NEGR1: variants seen among roughly 807,000 people sequenced by gnomAD.
NEGR1 encodes the protein IgLON family member 4.
NEGR1 carries 10 observed loss-of-function variants against 40.9 expected under a neutral mutation model. The observed-to-expected ratio is 0.24, with a 90% confidence interval of 0.15 to 0.42. The LOEUF (loss-of-function observed/expected upper bound fraction) is 0.42. Among genes scored for constraint, NEGR1 ranks in the 10% least tolerant of loss-of-function variants. The probability of loss-of-function intolerance (pLI) is 1.00; values close to 1 mark genes in which losing one functional copy is unlikely to be tolerated. For missense variants in NEGR1, 352 were observed against 438.9 expected, an observed-to-expected ratio of 0.80 and a Z score of 1.77; for synonymous variants, 185 against 166.8, an observed-to-expected ratio of 1.11 and a Z score of -0.84.
At chr1:71,848,329 C>T (rs1417450052) in intron 2 of NEGR1, among the ~76,000 whole-genome samples, 1 of 152,088 alleles carries the variant, frequency 6.6e-6, no homozygotes, top group Non-Finnish European at 1.5e-5. Flanking sequence ...ATGAAACAGC[C>T]TTATATTGGA....
intron 2 of NEGR1, among the ~76,000 whole-genome samples, chr1:71,803,724 T>C (rs1357201832): frequency 6.6e-6 from 1 of 152,116 alleles, no homozygotes; most frequent in Non-Finnish European, 1.5e-5. Context: ...CTACCTTCCT[T>C]GATAAAAAAA....
chr1:71,910,638 T>G (rs1464772636), intron 2 of NEGR1, among the ~76,000 whole-genome samples: 1 of 152,202 alleles, frequency 6.6e-6, no homozygotes, highest in African/African-American at 2.4e-5. Flanking sequence ...GGCAAAATCT[T>G]AAGCTTTTAA....
At chr1:71,568,099 T>A (rs1404696700) in intron 6 of NEGR1, among the ~76,000 whole-genome samples, 2 of 152,198 alleles carry the variant, frequency 1.3e-5, no homozygotes, top group Non-Finnish European at 2.9e-5. Context: ...ATGATAGCAT[T>A]ACTCCCATCT....
At chr1:71,825,067 C>G (rs909625287) in intron 2 of NEGR1, among the ~76,000 whole-genome samples, 1 of 151,918 alleles carries the variant, frequency 6.6e-6, no homozygotes, top group African/African-American at 2.4e-5. Flanking sequence ...TTATAAGAAA[C>G]TACCAAACTA....
Position 71,403,543 on chromosome 1 carries a change from C to T in NEGR1, c.*3903G>A, listed in dbSNP as rs1354276684. ...CATCAAACCTTTTAGGAATCAGCAA[C>T]AGCAAGAAAGAATATAGTGTGGAGT... On this transcript the variant is annotated 3_prime_UTR_variant, in exon 7 of 7. Coordinates refer to ENST00000357731, the MANE Select transcript of NEGR1 (RefSeq NM_173808.3). 1 of 201,458 alleles carries T rather than the reference C, an allele frequency of 5.0e-6. No homozygotes were observed. The highest frequency in any genetic ancestry group is 2.3e-5 in the African/African-American group (1 of 43,772). The allele number at this position is 201,458 out of a possible 1,614,324, so 12.5% of individuals were successfully genotyped here.
In NEGR1 at chr1:71,589,602, T is replaced by G. The variant is rs115525154; in HGVS notation, c.940+3215A>C. ...TCTTATGTACTTATTCTGGCTAATT[T>G]CATGCAAACTAAACATTAGCAGTTA... On this transcript the variant is annotated intron_variant, in intron 6 of 6. Coordinates refer to ENST00000357731, the MANE Select transcript of NEGR1 (RefSeq NM_173808.3). Among the ~76,000 whole-genome samples the G allele has an allele frequency of 7.8e-3, 1,186 of 152,244 alleles. 27 individuals carry two copies. Among genetic ancestry groups the G allele is most frequent in the African/African-American group, 0.027 (1,139 of 41,560 alleles).
intron 6 of NEGR1, among the ~76,000 whole-genome samples, chr1:71,421,872 C>T (rs1251435487): frequency 2.0e-5 from 3 of 149,970 alleles, no homozygotes; most frequent in South Asian, 2.1e-4. Flanking sequence ...TCTGCCTTCA[C>T]CAAAGAGAGA....
intron 2 of NEGR1, among the ~76,000 whole-genome samples, chr1:71,781,423 A>G (rs1656710820): frequency 6.6e-6 from 1 of 152,146 alleles, no homozygotes; most frequent in Non-Finnish European, 1.5e-5. Flanking sequence ...AAAGGCATAA[A>G]CTATTTGGAT....
chr1:71,819,196 C>T (rs747329753), intron 2 of NEGR1, among the ~76,000 whole-genome samples: 2 of 151,868 alleles, frequency 1.3e-5, no homozygotes, highest in Admixed American at 1.3e-4. Flanking sequence ...GCAACAAGCC[C>T]CACCATATGC....
At chr1:71,606,889 A>C (rs1454879644) in intron 5 of NEGR1, among the ~76,000 whole-genome samples, 13 of 152,156 alleles carry the variant, frequency 8.5e-5, no homozygotes, top group Admixed American at 8.5e-4. Flanking sequence ...GAAGAACTGC[A>C]GGCAGAGATA....
chr1:71,487,039 A>C (rs566476079), intron 6 of NEGR1: 4 of 151,726 alleles, frequency 2.6e-5, no homozygotes, highest in Non-Finnish European at 5.9e-5. Context: ...ATAGAGACAT[A>C]AGAAACCGAG....
chr1:71,853,344 T>C (rs999268929), intron 2 of NEGR1, among the ~76,000 whole-genome samples: 1 of 152,156 alleles, frequency 6.6e-6, no homozygotes, highest in Admixed American at 6.6e-5. Context: ...AACTGTGTTC[T>C]TGTTATTCCA....
chr1:72,246,198 C>CAATG (rs2307615), intron 1 of NEGR1, among the ~76,000 whole-genome samples: 2 of 151,590 alleles, frequency 1.3e-5, no homozygotes, highest in African/African-American at 4.8e-5. Context: ...CTCTTTCCAT[C>CAATG]ACTTTCCTGA....
intron 6 of NEGR1, among the ~76,000 whole-genome samples, chr1:71,553,409 T>C (rs1017896863): frequency 6.6e-6 from 1 of 151,586 alleles, no homozygotes; most frequent in Non-Finnish European, 1.5e-5. Context: ...CCTTGGTAGT[T>C]ATTTAAAGCA....
chr1:71,636,594 C>T (rs1300989025), intron 4 of NEGR1, among the ~76,000 whole-genome samples: 1 of 152,040 alleles, frequency 6.6e-6, no homozygotes, highest in Non-Finnish European at 1.5e-5. Flanking sequence ...AAGATTCTAT[C>T]AGGTGCTCAT....
intron 3 of NEGR1, among the ~76,000 whole-genome samples, chr1:71,729,341 T>A (rs1420300060): frequency 6.6e-6 from 1 of 152,182 alleles, no homozygotes; most frequent in Non-Finnish European, 1.5e-5. Flanking sequence ...TTACCAGGTT[T>A]TATTCTTTTT....
At chr1:71,436,645 G>A (rs1646511594) in intron 6 of NEGR1, among the ~76,000 whole-genome samples, 1 of 152,040 alleles carries the variant, frequency 6.6e-6, no homozygotes, top group Non-Finnish European at 1.5e-5. Context: ...TACCTCTCCT[G>A]CCTTCTGTTT....
At chr1:71,664,153 A>G (rs1014273203) in intron 4 of NEGR1, among the ~76,000 whole-genome samples, 4 of 151,944 alleles carry the variant, frequency 2.6e-5, no homozygotes, top group African/African-American at 7.3e-5. Flanking sequence ...TTCAAACCCT[A>G]CTCCTTTCTT....
chr1:71,838,148 A>G (rs1659109342), intron 2 of NEGR1, among the ~76,000 whole-genome samples: 1 of 152,150 alleles, frequency 6.6e-6, no homozygotes, highest in African/African-American at 2.4e-5. Flanking sequence ...TATTTTGCCT[A>G]AAAGTTATTT....
Sources: gnomAD v4.1 joint callset for allele counts (sites outside exome capture counted in the v4.1 genomes callset) on GRCh38, gnomAD v4.1.1 for gene constraint, MANE v1.5 for transcripts, NCBI Gene and HGNC (gene_info 2026-07-23, HGNC 2026-07-21) for gene names.